MKRN2: variants seen among roughly 807,000 people sequenced by gnomAD.
MKRN2 encodes makorin ring finger protein 2, also known as E3 ubiquitin-protein ligase makorin-2.
A neutral mutation model predicts 45.4 loss-of-function variants in MKRN2; 32 were observed. That is an observed-to-expected ratio of 0.70 (90% CI 0.53 to 0.95). The LOEUF (loss-of-function observed/expected upper bound fraction) is 0.95, where lower values mean the gene tolerates loss of function less well. Among genes scored for constraint, MKRN2 ranks in the 40% least tolerant of loss-of-function variants. MKRN2 has a pLI of 0.00. For missense variants in MKRN2, 526 were observed against 536.7 expected (o/e 0.98, Z 0.20); for synonymous variants, 206 against 192.4 (o/e 1.07, Z -0.59).
intron 6 of MKRN2, among the ~76,000 whole-genome samples, chr3:12,577,841 A>C (rs1265174399): frequency 4.6e-5 from 7 of 151,990 alleles, no homozygotes. Context: ...GCACCTGGCC[A>C]ATTTTTTGTA....
chr3:12,572,902 A>G (rs905381227), intron 4 of MKRN2, among the ~76,000 whole-genome samples: 1 of 152,104 alleles, frequency 6.6e-6, no homozygotes, highest in Admixed American at 6.6e-5. Flanking sequence ...CCAATTTTTA[A>G]TTACTCAGAA....
chr3:12,572,537 G>A lies in MKRN2; in HGVS notation c.642+164G>A, dbSNP rs1214750321. 6.6e-5 allele frequency among the ~76,000 whole-genome samples: 10 copies of A among 151,882 alleles called. No individual in the cohort carries two copies. In the East Asian group the frequency reaches 1.9e-3, roughly 29 times the overall value. On this transcript the variant is annotated intron_variant, in intron 4 of 7. Transcript: ENST00000170447. The stretch of plus-strand genomic sequence containing the variant: ...CCCCTGCCAGTAATACCCATATTAT[G>A]TATCTGGTATATTTACATCCTGTTT...
At chr3:12,571,948 C>A in intron 3 of MKRN2, 121 bp from the exon 4 acceptor site, 1 of 925,978 alleles carries the variant, frequency 1.1e-6, no homozygotes, top group Non-Finnish European at 1.5e-6. Flanking sequence ...TTTTTTTTGC[C>A]ATATGTTCTC....
At chr3:12,582,078 T>C (rs1423860753) in intron 7 of MKRN2, 38 bp from the exon 8 acceptor site, 6 of 1,613,714 alleles carry the variant, frequency 3.7e-6, no homozygotes, top group Non-Finnish European at 5.1e-6. Context: ...CTGTTGCTCT[T>C]AGCAGTAACC....
At chr3:12,575,143 C>CTTGCTG in intron 5 of MKRN2, 137 bp downstream of exon 5, 1 of 750,410 alleles carries the variant, frequency 1.3e-6, no homozygotes, top group African/African-American at 1.8e-5. Flanking sequence ...TGAACTTCAG[C>CTTGCTG]AAGTCATTTA....
At chr3:12,578,309 C>T (rs988356666) in intron 6 of MKRN2, among the ~76,000 whole-genome samples, 9 of 131,532 alleles carry the variant, frequency 6.8e-5, no homozygotes, top group African/African-American at 1.7e-4. Context: ...ATAAGAGCTA[C>T]TTCTTTTTTT....
chr3:12,576,933 G>GTTTTTGTTGTTT (rs56380121), intron 6 of MKRN2, 192 bp downstream of exon 6: 1 of 55,244 alleles, frequency 1.8e-5, no homozygotes. Context: ...TAGTTTTGGT[G>GTTTTTGTTGTTT]TTTTTTTTTT....
rs1559384959 is a variant in MKRN2 at position 12,557,138 on chromosome 3, C to CA, written c.-12dup. The CA allele has an allele frequency of 6.6e-7, 1 of 1,512,286 alleles. No homozygotes were observed. Among genetic ancestry groups the CA allele is most frequent in the African/African-American group, 1.4e-5 (1 of 69,460 alleles). 93.7% of individuals were successfully genotyped at this position (1,512,286 alleles called of 1,614,324 possible). On this transcript the variant is annotated 5_prime_UTR_variant, in exon 1 of 8. Coordinates refer to ENST00000170447, the MANE Select transcript of MKRN2 (RefSeq NM_014160.5). ...AGGCGGCGGCACGACGACGGTCCCTCAGCCCAGCCACCATGAGCACCAAGC... is the reference window on the plus strand; with the variant it reads ...AGGCGGCGGCACGACGACGGTCCCTCAAGCCCAGCCACCATGAGCACCAAGC...
chr3:12,581,355 T>G (rs1481354343), intron 6 of MKRN2, among the ~76,000 whole-genome samples: 2 of 152,174 alleles, frequency 1.3e-5, no homozygotes, highest in African/African-American at 4.8e-5. Context: ...GTAGCCACCT[T>G]GACAGCACTG....
At chr3:12,571,925 C>T in intron 3 of MKRN2, 144 bp from the exon 4 acceptor site, 1 of 729,326 alleles carries the variant, frequency 1.4e-6, no homozygotes. Context: ...TTTTATTTTT[C>T]CCCTTCGGTG....
Position 12,581,480 on chromosome 3 carries a change from C to T in MKRN2, c.969-328C>T, listed in dbSNP as rs148591691. The stretch of plus-strand genomic sequence containing the variant: ...AGAGGAGTGACCAGGCCTGGCTTAG[C>T]TCTGTGGTGACCCAGGAGGTGCTCT... On this transcript the variant is annotated intron_variant, in intron 6 of 7. Coordinates refer to ENST00000170447, the MANE Select transcript of MKRN2 (RefSeq NM_014160.5). Among the ~76,000 whole-genome samples, 47 of 152,346 alleles carry T rather than the reference C, an allele frequency of 3.1e-4. No individual in the cohort carries two copies. In the East Asian group the frequency reaches 8.1e-3, roughly 26 times the overall value.
intron 1 of MKRN2, among the ~76,000 whole-genome samples, chr3:12,567,560 C>T (rs1048026866): frequency 6.9e-6 from 1 of 145,880 alleles, no homozygotes; most frequent in African/African-American, 2.6e-5. Context: ...GCAATCTCGG[C>T]TCACCGCAAC....
At chr3:12,578,894 C>G (rs2058160549) in intron 6 of MKRN2, among the ~76,000 whole-genome samples, 1 of 132,144 alleles carries the variant, frequency 7.6e-6, no homozygotes, top group Non-Finnish European at 1.6e-5. Flanking sequence ...ATTTTTTCCT[C>G]ATACAATCTT....
At position 12,574,882 on chromosome 3, in the gene MKRN2, A is replaced by C; in HGVS notation, c.733A>C (p.Ile245Leu). The change falls in exon 5 of 8, where the codon ATC becomes CTC. Residue 245 changes from isoleucine (I) to leucine (L), a missense_variant. Coordinates refer to ENST00000170447, the MANE Select transcript of MKRN2 (RefSeq NM_014160.5). ...AGTGTGCAGTATCTGCATGGAAGTGATCCTGGAGAAGGCCTCTGCTTCTGA... is the reference window on the plus strand; with the variant it reads ...AGTGTGCAGTATCTGCATGGAAGTGCTCCTGGAGAAGGCCTCTGCTTCTGA... ...DKVCSICMEV[I>L]LEKASASERR... 1 of 1,614,184 alleles carries C rather than the reference A, an allele frequency of 6.2e-7. No individual in the cohort carries two copies. Among genetic ancestry groups the C allele is most frequent in the Non-Finnish European group, 8.5e-7 (1 of 1,180,018 alleles).
chr3:12,576,189 ATGTGTGTGTGTGTGTGTGTGTG>A (rs59197804), intron 5 of MKRN2, among the ~76,000 whole-genome samples: 2 of 143,216 alleles, frequency 1.4e-5, no homozygotes, highest in South Asian at 2.3e-4. Context: ...GAAACCATAT[ATGTGTGTGTGTGTGTGTGTGTG>A]TGTGTGTGTG....
Position 12,575,013 on chromosome 3 carries a change from A to G in MKRN2, c.857+7A>G. On this transcript the variant is annotated splice_region_variant and intron_variant, in intron 5 of 7. Transcript: ENST00000170447. ...TTGAAAACCCAATCATTAAGTAAGTACAGCCAGGGGTCTTAGCTGTGGGAG... is the reference window on the plus strand; with the variant it reads ...TTGAAAACCCAATCATTAAGTAAGTGCAGCCAGGGGTCTTAGCTGTGGGAG... The G allele has an allele frequency of 1.2e-6, 2 of 1,611,936 alleles. No homozygotes were observed. Among genetic ancestry groups the G allele is most frequent in the South Asian group, 2.2e-5 (2 of 91,028 alleles).
chr3:12,568,358 T>C (rs1049994876), intron 1 of MKRN2, among the ~76,000 whole-genome samples: 1 of 152,220 alleles, frequency 6.6e-6, no homozygotes, highest in South Asian at 2.1e-4. Context: ...TCTGTGTATA[T>C]CTTTTGATAC....
intron 1 of MKRN2, among the ~76,000 whole-genome samples, chr3:12,560,056 A>G (rs969136127): frequency 1.4e-4 from 21 of 152,212 alleles, no homozygotes; most frequent in Non-Finnish European, 2.5e-4. Flanking sequence ...CTGTGCAACA[A>G]CTGCCTCATC....
At chr3:12,576,816 TC>T in intron 6 of MKRN2, 75 bp downstream of exon 6, 2 of 1,079,672 alleles carry the variant, frequency 1.9e-6, no homozygotes, top group African/African-American at 1.6e-5. Flanking sequence ...TCGTTCTCCT[TC>T]CCAGGAGTGT....
Sources: gnomAD v4.1 joint callset for allele counts (sites outside exome capture counted in the v4.1 genomes callset) on GRCh38, gnomAD v4.1.1 for gene constraint, MANE v1.5 for transcripts, NCBI Gene and HGNC (gene_info 2026-07-23, HGNC 2026-07-21) for gene names.